CAMTA1: variants seen among roughly 807,000 people sequenced by gnomAD.
CAMTA1 encodes calmodulin binding transcription activator 1.
CAMTA1 carries 27 observed loss-of-function variants against 170.9 expected under a neutral mutation model. The ratio of observed to expected loss-of-function variants is 0.16; its 90% CI spans 0.12 to 0.22. CAMTA1 has a LOEUF of 0.22. Ranked by LOEUF, CAMTA1 falls within the 10% of genes least tolerant of loss-of-function variation. CAMTA1 has a pLI of 1.00. For missense variants in CAMTA1, 1,619 were observed against 2,217.2 expected (o/e 0.73, Z 5.42); for synonymous variants, 833 against 891.5 (o/e 0.93, Z 1.17).
chr1:7,740,114 A>T (rs1455146287), intron 16 of CAMTA1, among the ~76,000 whole-genome samples: 1 of 152,226 alleles, frequency 6.6e-6, no homozygotes, highest in South Asian at 2.1e-4. Flanking sequence ...TGGTGGGGAC[A>T]CAGCCAAACC....
intron 6 of CAMTA1, among the ~76,000 whole-genome samples, chr1:7,473,940 C>T (rs72642867): frequency 0.045 from 6,925 of 152,318 alleles, 252 homozygotes; most frequent in South Asian, 0.12. Context: ...AGCACCAAAG[C>T]GTGCTGCTGT....
chr1:7,254,570 G>A (rs190478906), intron 5 of CAMTA1, among the ~76,000 whole-genome samples: 17 of 152,260 alleles, frequency 1.1e-4, no homozygotes, highest in South Asian at 2.1e-4. Context: ...CTAGAAGCCC[G>A]GCATTAGGAT....
At position 7,674,687 on chromosome 1, in the gene CAMTA1, T is replaced by A. The variant is rs1373287539; in HGVS notation, c.2780-2912T>A. Among the ~76,000 whole-genome samples the A allele has an allele frequency of 6.6e-6, 1 of 151,942 alleles. No individual in the cohort carries two copies. Among genetic ancestry groups the A allele is most frequent in the Non-Finnish European group, 1.5e-5 (1 of 67,988 alleles). Reference sequence around the variant, plus strand: ...TAGTAGGGAGGCTGAGGCAGGAGAATCACCTGAACCTGGCAGGTGGAGGTT... The same window carrying A: ...TAGTAGGGAGGCTGAGGCAGGAGAAACACCTGAACCTGGCAGGTGGAGGTT... On this transcript the variant is annotated intron_variant, in intron 10 of 22. Transcript: ENST00000303635. The surrounding 1 kb of genome is among the most constrained non-coding windows in gnomAD (Gnocchi z 4.1).
intron 3 of CAMTA1, among the ~76,000 whole-genome samples, chr1:6,977,213 A>C (rs1693598497): frequency 6.6e-6 from 1 of 152,226 alleles, no homozygotes; most frequent in African/African-American, 2.4e-5. Context: ...TAAGCTGGGC[A>C]GGCTGGGTGC....
intron 4 of CAMTA1, among the ~76,000 whole-genome samples, chr1:7,229,751 C>A (rs1662380961): frequency 6.6e-6 from 1 of 152,150 alleles, no homozygotes; most frequent in East Asian, 1.9e-4. Flanking sequence ...ATGAAGAACT[C>A]AATTCTTCAA....
chr1:7,021,914 C>T (rs1701407079), intron 3 of CAMTA1, among the ~76,000 whole-genome samples: 2 of 152,178 alleles, frequency 1.3e-5, no homozygotes, highest in Non-Finnish European at 2.9e-5. Flanking sequence ...GCAACAGCCA[C>T]CGCCGTTCAG....
intron 7 of CAMTA1, among the ~76,000 whole-genome samples, chr1:7,646,915 G>T (rs935507296): frequency 2.0e-5 from 3 of 152,208 alleles, no homozygotes; most frequent in Non-Finnish European, 2.9e-5. Context: ...CAGCCTGTTG[G>T]TTTTCCAGGG....
chr1:7,281,799 TTGTGTG>T (rs57489369), intron 5 of CAMTA1, among the ~76,000 whole-genome samples: 3,028 of 139,248 alleles, frequency 0.022, 42 homozygotes, highest in East Asian at 0.048. Context: ...GGGAAAGAAA[TTGTGTG>T]TGTGTGTGTG....
At chr1:6,922,033 A>G (rs558153671) in intron 3 of CAMTA1, among the ~76,000 whole-genome samples, 47 of 152,390 alleles carry the variant, frequency 3.1e-4, no homozygotes, top group African/African-American at 1.1e-3. Context: ...AATAAAGGAA[A>G]GAATATTTTG....
chr1:6,974,675 T>C (rs745318346), intron 3 of CAMTA1, among the ~76,000 whole-genome samples: 43 of 152,326 alleles, frequency 2.8e-4, no homozygotes, highest in Non-Finnish European at 3.7e-4. Context: ...ACGGACGTCC[T>C]GGAAGACAGT....
chr1:7,207,445 C>G (rs1270616484), intron 4 of CAMTA1, among the ~76,000 whole-genome samples: 2 of 152,178 alleles, frequency 1.3e-5, no homozygotes, highest in Non-Finnish European at 2.9e-5. Flanking sequence ...TGAATGTTTT[C>G]TTCTTGTTTT....
At chr1:7,632,017 T>A (rs1010721986) in intron 6 of CAMTA1, among the ~76,000 whole-genome samples, 4 of 144,712 alleles carry the variant, frequency 2.8e-5, no homozygotes, top group African/African-American at 1.1e-4. Flanking sequence ...TGTCGCCCAG[T>A]GTCGCCCAGT....
chr1:7,564,171 G>T (rs2095002221), intron 6 of CAMTA1, among the ~76,000 whole-genome samples: 1 of 152,182 alleles, frequency 6.6e-6, no homozygotes, highest in Admixed American at 6.5e-5. Context: ...ACCCCTCCTG[G>T]CCTGTGGTCC....
intron 4 of CAMTA1, among the ~76,000 whole-genome samples, chr1:7,226,583 T>C (rs942545990): frequency 6.6e-6 from 1 of 152,106 alleles, no homozygotes; most frequent in African/African-American, 2.4e-5. Flanking sequence ...ATAGCCAGGG[T>C]CAAGGTTTTA....
At chr1:6,904,121 TC>T (rs1677738072) in intron 3 of CAMTA1, among the ~76,000 whole-genome samples, 1 of 152,184 alleles carries the variant, frequency 6.6e-6, no homozygotes, top group Non-Finnish European at 1.5e-5. Context: ...TCTCTCCATT[TC>T]CCTTCCCATT....
intron 1 of CAMTA1, among the ~76,000 whole-genome samples, chr1:6,815,642 AGGAATTAGT>A (rs1235426182): frequency 6.6e-6 from 1 of 152,216 alleles, no homozygotes; most frequent in Non-Finnish European, 1.5e-5. Flanking sequence ...TAAATCTTCT[AGGAATTAGT>A]GGAATTATGC....
rs1692271156 is a variant in CAMTA1 at position 6,970,158 on chromosome 1, AT to A, written c.235-121144del. Among the ~76,000 whole-genome samples, 1 of 152,250 alleles carries A rather than the reference AT, an allele frequency of 6.6e-6. No homozygotes were observed. Among genetic ancestry groups the A allele is most frequent in the Non-Finnish European group, 1.5e-5 (1 of 68,050 alleles). On this transcript the variant is annotated intron_variant, in intron 3 of 22. Coordinates refer to ENST00000303635, the MANE Select transcript of CAMTA1 (RefSeq NM_015215.4). This position sits in a 1 kb window ranked among gnomAD's most constrained non-coding sequence, Gnocchi z 4.4. ...ATTACAAATGTATTTTTGTTATAAA[AT>A]TATATAATAATCTTCCAGAAATTGA... is the stretch of plus-strand genomic sequence containing the variant.
intron 5 of CAMTA1, among the ~76,000 whole-genome samples, chr1:7,422,491 C>G (rs1002687778): frequency 1.3e-5 from 2 of 152,160 alleles, no homozygotes; most frequent in Admixed American, 1.3e-4. Flanking sequence ...CAGACCCCCT[C>G]TGTGCTGGGG....
chr1:7,458,440 C>T (rs2093010822), intron 5 of CAMTA1, among the ~76,000 whole-genome samples: 1 of 152,206 alleles, frequency 6.6e-6, no homozygotes, highest in Non-Finnish European at 1.5e-5. Flanking sequence ...CCTCATCCTC[C>T]TGTGTCCACT....
Sources: gnomAD v4.1 joint callset for allele counts (sites outside exome capture counted in the v4.1 genomes callset) on GRCh38, gnomAD v4.1.1 for gene constraint, Gnocchi (gnomAD v3.1) non-coding constraint, MANE v1.5 for transcripts, NCBI Gene and HGNC (gene_info 2026-07-23, HGNC 2026-07-21) for gene names.